Variants in ROBO2 observed in about 807,000 individuals in gnomAD.
ROBO2 encodes roundabout guidance receptor 2, also known as roundabout homolog 2.
A neutral mutation model predicts 160.8 loss-of-function variants in ROBO2; 53 were observed. The observed-to-expected ratio is 0.33, with a 90% CI of 0.26 to 0.41. ROBO2 has a LOEUF of 0.41. Among genes scored for constraint, ROBO2 ranks in the 10% least tolerant of loss-of-function variants. The probability of loss-of-function intolerance (pLI) is 1.00; values close to 1 mark genes in which losing one functional copy is unlikely to be tolerated. For missense variants in ROBO2, 1,577 were observed against 1,722.4 expected, an observed-to-expected ratio of 0.92 and a Z score of 1.49; for synonymous variants, 664 against 611.7, an observed-to-expected ratio of 1.09 and a Z score of -1.26.
At chr3:77,092,631 A>G (rs1192612461) in intron 1 of ROBO2, among the ~76,000 whole-genome samples, 1 of 146,878 alleles carries the variant, frequency 6.8e-6, no homozygotes, top group East Asian at 2.0e-4. Context: ...TATAATATAT[A>G]AATTTGTATA....
At chr3:76,408,169 G>C (rs2075307702) in intron 2 of ROBO2, among the ~76,000 whole-genome samples, 1 of 152,070 alleles carries the variant, frequency 6.6e-6, no homozygotes, top group African/African-American at 2.4e-5. Flanking sequence ...ATGTTTGCTT[G>C]AGAATAGATT....
chr3:77,484,508 AACACACACACAC>A (rs60959193), intron 4 of ROBO2, among the ~76,000 whole-genome samples: 2 of 146,720 alleles, frequency 1.4e-5, no homozygotes, highest in Admixed American at 6.8e-5. Flanking sequence ...CCCCAACACA[AACACACACACAC>A]ACACACACAC....
chr3:76,635,080 C>T (rs900356502), intron 2 of ROBO2, among the ~76,000 whole-genome samples: 9 of 152,180 alleles, frequency 5.9e-5, no homozygotes, highest in African/African-American at 1.4e-4. Flanking sequence ...CTGTCCCTAG[C>T]GCCAAAATGT....
In ROBO2 at chr3:76,524,826, T is replaced by TAA. The variant is rs58091252; in HGVS notation, c.110-573149_110-573148dup. Among the ~76,000 whole-genome samples, 28 of 21,732 alleles carry TAA rather than the reference T, an allele frequency of 1.3e-3. 1 individual carries two copies. Among genetic ancestry groups the TAA allele is most frequent in the South Asian group, 2.4e-3 (1 of 414 alleles). 14.3% of individuals were successfully genotyped at this position (21,732 alleles called of 152,430 possible). On this transcript the variant is annotated intron_variant, in intron 2 of 26. Coordinates refer to the ROBO2 transcript ENST00000487694. Reference sequence around the variant, plus strand: ...TAAAAACCTATGACCCTCTTATTCCTAAAAAAAAAAAAAAAAAAAAAAAAA... The same window carrying TAA: ...TAAAAACCTATGACCCTCTTATTCCTAAAAAAAAAAAAAAAAAAAAAAAAAAA...
chr3:77,043,440 G>C (rs1463957871), intron 1 of ROBO2, among the ~76,000 whole-genome samples: 1 of 152,074 alleles, frequency 6.6e-6, no homozygotes, highest in Non-Finnish European at 1.5e-5. Flanking sequence ...GTAGCGTTTT[G>C]CCACCTCATA....
chr3:76,500,616 T>G (rs2080407151), intron 2 of ROBO2, among the ~76,000 whole-genome samples: 2 of 152,132 alleles, frequency 1.3e-5, no homozygotes, highest in South Asian at 4.1e-4. Context: ...TTTGTCACAT[T>G]CTTCACAAAA....
At chr3:77,072,086 G>C (rs1578722350) in intron 1 of ROBO2, among the ~76,000 whole-genome samples, 1 of 152,208 alleles carries the variant, frequency 6.6e-6, no homozygotes, top group East Asian at 1.9e-4. Context: ...TCTCATGCCA[G>C]ATCAGCAGTT....
At chr3:77,429,017 A>G (rs1356351055) in intron 2 of ROBO2, among the ~76,000 whole-genome samples, 1 of 152,212 alleles carries the variant, frequency 6.6e-6, no homozygotes, top group Non-Finnish European at 1.5e-5. Context: ...GTGCTACTCT[A>G]AAGTTAGATC....
chr3:76,282,363 C>T (rs1040689529), intron 2 of ROBO2, among the ~76,000 whole-genome samples: 4 of 151,970 alleles, frequency 2.6e-5, no homozygotes, highest in African/African-American at 9.7e-5. Context: ...CTGTTAGTCT[C>T]AAAGTACATA....
At chr3:77,061,822 A>T (rs897254832) in intron 1 of ROBO2, among the ~76,000 whole-genome samples, 3 of 152,114 alleles carry the variant, frequency 2.0e-5, no homozygotes, top group African/African-American at 7.2e-5. Context: ...GGGACAAAGC[A>T]TTTTCTATGC....
chr3:76,755,805 A>G (rs1351670187), intron 2 of ROBO2, among the ~76,000 whole-genome samples: 2 of 151,822 alleles, frequency 1.3e-5, no homozygotes, highest in African/African-American at 4.8e-5. Flanking sequence ...TATGTTTAGG[A>G]AATCAGTTTT....
intron 2 of ROBO2, among the ~76,000 whole-genome samples, chr3:77,182,656 A>C (rs938972385): frequency 2.0e-5 from 3 of 152,088 alleles, no homozygotes; most frequent in Admixed American, 6.6e-5. Context: ...CTAAATGAAT[A>C]GTGAGCTGAC....
chr3:77,451,385 A>G (rs984307599), intron 2 of ROBO2, among the ~76,000 whole-genome samples: 1 of 152,126 alleles, frequency 6.6e-6, no homozygotes, highest in Non-Finnish European at 1.5e-5. Flanking sequence ...TTATGATTTT[A>G]TAGTATTTTT....
chr3:77,538,318 A>G (rs2092280157), intron 6 of ROBO2, among the ~76,000 whole-genome samples: 1 of 151,470 alleles, frequency 6.6e-6, no homozygotes, highest in African/African-American at 2.4e-5. Flanking sequence ...AGCTGGGACT[A>G]CAGTCGCCGC....
At chr3:77,470,138 G>T (rs1260326994) in intron 2 of ROBO2, among the ~76,000 whole-genome samples, 1 of 152,118 alleles carries the variant, frequency 6.6e-6, no homozygotes, top group Admixed American at 6.5e-5. Flanking sequence ...TTACAGAAAT[G>T]TCCCTGATGA....
At chr3:76,469,524 C>T (rs1367883497) in intron 2 of ROBO2, among the ~76,000 whole-genome samples, 1 of 152,064 alleles carries the variant, frequency 6.6e-6, no homozygotes, top group Non-Finnish European at 1.5e-5. Context: ...CCCCTGCCTA[C>T]TCACTTGAGC....
chr3:76,835,215 G>A (rs370430253), intron 2 of ROBO2, among the ~76,000 whole-genome samples: 2 of 151,328 alleles, frequency 1.3e-5, no homozygotes, highest in African/African-American at 2.4e-5. Flanking sequence ...AATTTTTATC[G>A]TGAAAAATCT....
intron 2 of ROBO2, among the ~76,000 whole-genome samples, chr3:77,385,929 G>A (rs749024430): frequency 2.0e-5 from 3 of 152,042 alleles, no homozygotes; most frequent in Non-Finnish European, 4.4e-5. Context: ...ATCTAAAAGT[G>A]AAATCTAACA....
chr3:77,617,689 C>A (rs1299939061), exon 22 of ROBO2: 1 of 1,614,046 alleles, frequency 6.2e-7, no homozygotes, highest in Non-Finnish European at 8.5e-7. Context: ...ACTCCATCCC[C>A]ACGGGAAGAG....
Sources: allele counts gnomAD v4.1 joint callset (sites outside exome capture counted in the v4.1 genomes callset), GRCh38; gene constraint gnomAD v4.1.1; transcripts MANE v1.5; gene names NCBI Gene and HGNC (gene_info 2026-07-23, HGNC 2026-07-21).